TECPR2: variants seen among roughly 807,000 people sequenced by gnomAD.
TECPR2 encodes tectonin beta-propeller repeat-containing protein 2.
Under a neutral mutation model 138.1 loss-of-function variants are expected in TECPR2, and 65 were observed. The ratio of observed to expected loss-of-function variants is 0.47; its 90% confidence interval spans 0.39 to 0.58. The LOEUF is 0.58. TECPR2 is among the 20% of genes least tolerant of loss of function. The pLI, the probability that TECPR2 is intolerant of heterozygous loss-of-function variation, is 0.00. For synonymous variants in TECPR2, 746 were observed against 749.8 expected (o/e 0.99, Z 0.08); for missense variants, 1,553 against 1,824.5 (o/e 0.85, Z 2.71).
chr14:102,400,136 C>T (rs181336440), intron 2 of TECPR2, among the ~76,000 whole-genome samples: 321 of 151,490 alleles, frequency 2.1e-3, no homozygotes, highest in Middle Eastern at 0.017. Flanking sequence ...ACATCTGCCT[C>T]CCGGGTTCAA....
chr14:102,388,960 C>CAA (rs778348018), intron 2 of TECPR2, among the ~76,000 whole-genome samples: 1,993 of 59,324 alleles, frequency 0.034, 30 homozygotes, highest in Middle Eastern at 0.094. Context: ...GACTCCGTCT[C>CAA]AAAAAAAAAA....
In TECPR2 at chr14:102,438,069, C is replaced by A. The variant is rs1227670267; in HGVS notation, c.2442C>A (p.Leu814=). 4.3e-6 allele frequency: 7 copies of A among 1,614,068 alleles called. No individual in the cohort carries two copies. Among genetic ancestry groups the A allele is most frequent in the Non-Finnish European group, 5.9e-6 (7 of 1,180,036 alleles). ...ACTCGGGTCCCGGCTATGGCATCCT[C>A]AGCTTGGTGGTCTCCGAGAAGTATA... The part of the protein sequence containing the change: ...MGYSGPGYGI[L]SLVVSEKYIW... Residue 814 remains leucine (L), a synonymous_variant, in exon 10 of 20, where the codon CTC becomes CTA. Coordinates refer to ENST00000359520, the MANE Select transcript of TECPR2 (RefSeq NM_014844.5).
intron 12 of TECPR2, 86 bp from the exon 13 acceptor site, chr14:102,445,720 C>T (rs578257699): frequency 7.5e-6 from 11 of 1,471,550 alleles, no homozygotes; most frequent in African/African-American, 2.8e-5. Flanking sequence ...CCACGCCTGC[C>T]GGGAGACCCT....
chr14:102,434,185 C>G (rs765411612), intron 8 of TECPR2, 50 bp from the exon 9 acceptor site: 4 of 1,326,366 alleles, frequency 3.0e-6, no homozygotes, highest in Non-Finnish European at 3.9e-6. Context: ...TAGTCTCTTA[C>G]TAATCATATA....
chr14:102,445,935 C>A lies in TECPR2; in HGVS notation c.3063C>A (p.Asp1021Glu). The part of the protein sequence containing the change: ...IISKKPQGDD[D>E]HWWQVSITDY... ...CCAAGAAGCCCCAAGGAGATGACGACCATTGGTGGCAAGTAGGTGTTCAGC... is the reference window on the plus strand; with the variant it reads ...CCAAGAAGCCCCAAGGAGATGACGAACATTGGTGGCAAGTAGGTGTTCAGC... Residue 1021 changes from aspartate (D) to glutamate (E), a missense_variant, in exon 13 of 20, where the codon GAC becomes GAA. Physicochemically the swap from Asp to Glu is conservative, Grantham distance 45. Coordinates refer to ENST00000359520, the MANE Select transcript of TECPR2 (RefSeq NM_014844.5). 6.2e-7 allele frequency: 1 copy of A among 1,613,822 alleles called. No homozygotes were observed. The highest frequency in any genetic ancestry group is 8.5e-7 in the Non-Finnish European group (1 of 1,179,910).
chr14:102,447,410 T>A (rs1180986529), intron 13 of TECPR2, among the ~76,000 whole-genome samples: 1 of 152,070 alleles, frequency 6.6e-6, no homozygotes, highest in Non-Finnish European at 1.5e-5. Context: ...CCCTCGGCCC[T>A]AGAATGGATT....
At chr14:102,422,205 C>T (rs1229658190) in intron 5 of TECPR2, among the ~76,000 whole-genome samples, 1 of 152,052 alleles carries the variant, frequency 6.6e-6, no homozygotes, top group Non-Finnish European at 1.5e-5. Flanking sequence ...CACAATTGCT[C>T]AAAATAGCTT....
chr14:102,416,856 C>T (rs774237104), intron 5 of TECPR2, among the ~76,000 whole-genome samples: 26 of 152,254 alleles, frequency 1.7e-4, no homozygotes, highest in Middle Eastern at 3.4e-3. Flanking sequence ...GGGTAGCAGG[C>T]GCCTGTAATC....
intron 7 of TECPR2, among the ~76,000 whole-genome samples, chr14:102,431,572 G>C (rs1349549872): frequency 2.6e-5 from 4 of 152,118 alleles, no homozygotes; most frequent in Admixed American, 2.0e-4. Flanking sequence ...TTGATCTCCT[G>C]ACCTTGTGAT....
intron 14 of TECPR2, 76 bp downstream of exon 14, chr14:102,449,945 TTAA>T: frequency 6.4e-7 from 1 of 1,571,844 alleles, no homozygotes; most frequent in South Asian, 1.1e-5. Context: ...AAGAAAAGCT[TTAA>T]GATCTCAACT....
chr14:102,366,281 G>A (rs1887344112), intron 1 of TECPR2, among the ~76,000 whole-genome samples: 1 of 152,068 alleles, frequency 6.6e-6, no homozygotes. Context: ...GATGCCATAG[G>A]GTGGTGTTTT....
At chr14:102,405,017 A>C (rs1345762480) in intron 2 of TECPR2, among the ~76,000 whole-genome samples, 1 of 151,558 alleles carries the variant, frequency 6.6e-6, no homozygotes. Context: ...TCAAAAATTA[A>C]CTCAAAATGG....
chr14:102,445,209 A>T (rs1889939560), intron 12 of TECPR2, among the ~76,000 whole-genome samples: 1 of 152,348 alleles, frequency 6.6e-6, no homozygotes, highest in Admixed American at 6.5e-5. Flanking sequence ...GAAGCTGACG[A>T]GGACTTCCCC....
chr14:102,388,745 G>A (rs1314554591), intron 2 of TECPR2, among the ~76,000 whole-genome samples: 2 of 151,772 alleles, frequency 1.3e-5, no homozygotes, highest in South Asian at 4.2e-4. Context: ...GGCGGATCAC[G>A]AGATCAGGAG....
chr14:102,450,687 C>A (rs1201117492), intron 15 of TECPR2, 38 bp downstream of exon 15: 2 of 1,600,360 alleles, frequency 1.2e-6, no homozygotes, highest in Non-Finnish European at 1.7e-6. Context: ...ATCTAGAGCA[C>A]AGCTTGGCCA....
At chr14:102,367,646 A>G (rs921973352) in intron 1 of TECPR2, among the ~76,000 whole-genome samples, 1 of 152,162 alleles carries the variant, frequency 6.6e-6, no homozygotes, top group Non-Finnish European at 1.5e-5. Context: ...TTGTTTGTCC[A>G]TTCATCAGTT....
intron 4 of TECPR2, among the ~76,000 whole-genome samples, chr14:102,413,332 G>GATTTCATATATATGAAATATACATAT (rs1171204495): frequency 6.0e-5 from 9 of 149,870 alleles, no homozygotes; most frequent in East Asian, 3.9e-4. Context: ...ATATATATTG[G>GATTTCATATATATGAAATATACATAT]ATTTCATATA....
chr14:102,422,520 A>G (rs999428408), intron 5 of TECPR2, among the ~76,000 whole-genome samples: 3 of 152,252 alleles, frequency 2.0e-5, no homozygotes, highest in African/African-American at 7.2e-5. Context: ...TTTATCAAGA[A>G]GGATAAATCT....
chr14:102,497,003 G>A lies in TECPR2; in HGVS notation c.3814G>A (p.Val1272Ile), dbSNP rs749559735. ...GCCCGCCGGGGTCAGCTTGGTCAGC[G>A]TCCATTCCAGCCCCAACGACCAGAT... ...VQPAGVSLVS[V>I]HSSPNDQMLW... The change falls in exon 18 of 20, where the codon GTC (valine) becomes ATC (isoleucine). Residue 1272 changes from valine (V) to isoleucine (I), a missense_variant. By Grantham distance (29) the Val-to-Ile change is conservative. Transcript: ENST00000359520. 5.6e-6 allele frequency: 9 copies of A among 1,613,826 alleles called. No homozygotes were observed. The highest frequency in any genetic ancestry group is 5.5e-5 in the South Asian group (5 of 91,082).
Sources: allele counts gnomAD v4.1 joint callset (sites outside exome capture counted in the v4.1 genomes callset), GRCh38; gene constraint gnomAD v4.1.1; transcripts MANE v1.5; gene names NCBI Gene and HGNC (gene_info 2026-07-23, HGNC 2026-07-21).